NR1I3: variants seen among roughly 807,000 people sequenced by gnomAD.
NR1I3 encodes the protein constitutive activator of retinoid response.
In NR1I3, 30 loss-of-function variants were observed where a neutral mutation model predicts 38.4. The ratio of observed to expected loss-of-function variants is 0.78; its 90% CI spans 0.58 to 1.06. The LOEUF (loss-of-function observed/expected upper bound fraction) is 1.06. Ranked by LOEUF, NR1I3 falls within the 50% of genes least tolerant of loss-of-function variation. The probability of loss-of-function intolerance (pLI) is 0.00; values close to 1 mark genes in which losing one functional copy is unlikely to be tolerated. For missense variants in NR1I3, 388 were observed against 435.7 expected (o/e 0.89, Z 0.97); for synonymous variants, 143 against 165.1 (o/e 0.87, Z 1.03).
chr1:161,237,443 G>A (rs113354568), intron 1 of NR1I3, among the ~76,000 whole-genome samples: 19,307 of 151,536 alleles, frequency 0.13, 1,359 homozygotes, highest in East Asian at 0.22. Flanking sequence ...ACTTAGGCCT[G>A]GTGCAGTGTC....
At position 161,238,087 on chromosome 1, in the gene NR1I3, A is replaced by G. The variant is rs750479350; in HGVS notation, c.-80T>C. ...TCACCTGCAGGCCACAGAATCTGGT[A>G]TGGAATGCCTCTCCCCAAACTCCCA... On this transcript the variant is annotated 5_prime_UTR_variant, in exon 1 of 9. Transcript: ENST00000367983. 7 of 1,613,830 alleles carry G rather than the reference A, an allele frequency of 4.3e-6. No homozygotes were observed. In the South Asian group the frequency reaches 5.5e-5, roughly 13 times the overall value.
At chr1:161,231,967 G>A (rs1178629745) in intron 5 of NR1I3, among the ~76,000 whole-genome samples, 1 of 151,474 alleles carries the variant, frequency 6.6e-6, no homozygotes, top group Admixed American at 6.6e-5. Flanking sequence ...CAGCCGACAA[G>A]GGCACCTTAT....
At chr1:161,229,959 CAG>C in intron 8 of NR1I3, 33 bp from the exon 9 acceptor site, 1 of 1,613,268 alleles carries the variant, frequency 6.2e-7, no homozygotes. Context: ...GCCAGGAAAA[CAG>C]GAGGGAAATA....
Position 161,235,849 on chromosome 1 carries a change from T to A in NR1I3, c.236A>T (p.Asp79Val). 6.2e-7 allele frequency: 1 copy of A among 1,614,144 alleles called. No homozygotes were observed. The highest frequency in any genetic ancestry group is 1.1e-5 in the South Asian group (1 of 91,072). The change falls in exon 3 of 9, where the codon GAC (aspartate) becomes GTC (valine). Residue 79 changes from aspartate (D) to valine (V), a missense_variant and splice_region_variant. By Grantham distance (152) the Asp-to-Val change is radical (BLOSUM62 -3). Coordinates refer to ENST00000367983, the MANE Select transcript of NR1I3 (RefSeq NM_005122.5). ...TGAGATGTAGGGGGCCAACTCACTG[T>A]CTTTCCTCATGCCAGCATCTAAGCA... The part of the protein sequence containing the change: ...QKCLDAGMRK[D>V]MILSAEALAL...
rs757636106 is a variant in NR1I3 at position 161,238,072 on chromosome 1, G to C, written c.-65C>G. 1.1e-5 allele frequency: 17 copies of C among 1,613,822 alleles called. No individual in the cohort carries two copies. The highest frequency in any genetic ancestry group is 1.4e-5 in the Non-Finnish European group (16 of 1,179,854). The stretch of plus-strand genomic sequence containing the variant: ...CTCTTAGGCAGCATGTCACCTGCAG[G>C]CCACAGAATCTGGTATGGAATGCCT... On this transcript the variant is annotated 5_prime_UTR_variant, in exon 1 of 9. Coordinates refer to ENST00000367983, the MANE Select transcript of NR1I3 (RefSeq NM_005122.5).
Position 161,235,993 on chromosome 1 carries a change from A to C in NR1I3, c.108-16T>G, listed in dbSNP as rs748276768. 3 of 1,573,350 alleles carry C rather than the reference A, an allele frequency of 1.9e-6. No individual in the cohort carries two copies. The highest frequency in any genetic ancestry group is 2.6e-6 in the Non-Finnish European group (3 of 1,160,958). ...GACTGTTCTCCTGTGAGACACAGAG[A>C]TGTTGTTAGAGTCTGGGATGCAATG... On this transcript the variant is annotated splice_polypyrimidine_tract_variant and intron_variant, in intron 2 of 8. Coordinates refer to ENST00000367983, the MANE Select transcript of NR1I3 (RefSeq NM_005122.5).
chr1:161,237,976 G>T, intron 1 of NR1I3, 65 bp downstream of exon 1: 2 of 1,491,470 alleles, frequency 1.3e-6, no homozygotes, highest in Non-Finnish European at 9.3e-7. Flanking sequence ...GAGCCACTAT[G>T]CCTAGCCCCC....
chr1:161,234,034 C>G (rs1372506547), intron 3 of NR1I3, among the ~76,000 whole-genome samples: 1 of 151,740 alleles, frequency 6.6e-6, no homozygotes, highest in Non-Finnish European at 1.5e-5. Flanking sequence ...CTCTGTCGCC[C>G]AGGCTGGAGT....
Position 161,238,085 on chromosome 1 carries a change from G to A in NR1I3, c.-78C>T. 6.2e-7 allele frequency: 1 copy of A among 1,613,800 alleles called. No homozygotes were observed. The highest frequency in any genetic ancestry group is 2.2e-5 in the East Asian group (1 of 44,872). ...TGTCACCTGCAGGCCACAGAATCTG[G>A]TATGGAATGCCTCTCCCCAAACTCC... On this transcript the variant is annotated 5_prime_UTR_variant, in exon 1 of 9. Coordinates refer to ENST00000367983, the MANE Select transcript of NR1I3 (RefSeq NM_005122.5).
chr1:161,230,449 C>T (rs775973782), intron 8 of NR1I3: 1 of 451,306 alleles, frequency 2.2e-6, no homozygotes, highest in Non-Finnish European at 3.9e-6. Context: ...GGCCCAATGG[C>T]GAGGAGAGGA....
At chr1:161,237,027 C>G (rs184235521) in intron 1 of NR1I3, among the ~76,000 whole-genome samples, 346 of 150,878 alleles carry the variant, frequency 2.3e-3, no homozygotes, top group African/African-American at 7.9e-3. Context: ...ACTCTGTTGC[C>G]TAGTGTTGCC....
chr1:161,233,867 GTGTGTGTGTGTGTGTGTGTGTA>G (rs1395801584), intron 3 of NR1I3, among the ~76,000 whole-genome samples: 25 of 145,136 alleles, frequency 1.7e-4, no homozygotes, highest in African/African-American at 6.3e-4. Flanking sequence ...GTGTGTGTGT[GTGTGTGTGTGTGTGTGTGTGTA>G]TATGTGTGTG....
chr1:161,230,494 G>C (rs912308255), intron 8 of NR1I3: 8 of 520,220 alleles, frequency 1.5e-5, no homozygotes, highest in Non-Finnish European at 2.4e-5. Flanking sequence ...GCGTTAGTCT[G>C]GAGAAGTTGG....
At chr1:161,231,551 A>G (rs1667277158) in intron 5 of NR1I3, 77 bp from the exon 6 acceptor site, 5 of 1,463,486 alleles carry the variant, frequency 3.4e-6, no homozygotes, top group Non-Finnish European at 4.6e-6. Context: ...CCCTGGCTGG[A>G]GTGCAGTGGC....
chr1:161,230,637 G>T, intron 8 of NR1I3, 176 bp downstream of exon 8: 1 of 793,832 alleles, frequency 1.3e-6, no homozygotes, highest in Non-Finnish European at 2.0e-6. Flanking sequence ...TCCAAATACA[G>T]CAATTTGGAT....
At position 161,236,407 on chromosome 1, in the gene NR1I3, T is replaced by G. The variant is rs1668610973; in HGVS notation, c.107+52A>C. 4 of 1,608,498 alleles carry G rather than the reference T, an allele frequency of 2.5e-6. No individual in the cohort carries two copies. In the East Asian group the frequency reaches 8.9e-5, roughly 36 times the overall value. On this transcript the variant is annotated intron_variant, in intron 2 of 8. Transcript: ENST00000367983. ...CACCAGCGAGGGTGTAAAGGCTGAC[T>G]AATAGGGAGTTTGGTTTGGAGGGCT...
chr1:161,235,274 T>TTTC (rs1668369028), intron 3 of NR1I3: 1 of 126,912 alleles, frequency 7.9e-6, no homozygotes, highest in Non-Finnish European at 1.7e-5. Flanking sequence ...TTTTTTTTTT[T>TTTC]TTTTTTTTGA....
At chr1:161,234,083 C>G (rs747272041) in intron 3 of NR1I3, among the ~76,000 whole-genome samples, 1 of 151,916 alleles carries the variant, frequency 6.6e-6, no homozygotes, top group Non-Finnish European at 1.5e-5. Flanking sequence ...CCTCTGCCCC[C>G]TGGGTTCAAG....
rs1667682876 is a variant in NR1I3 at position 161,232,905 on chromosome 1, G to A, written c.450C>T (p.Thr150=). ...TGACCAGAGGCAGCACAGGGGCCAG[G>A]GTGGGCAAGGGCTGGTGATGGATGA... ...HLFIHHQPLP[T]LAPVLPLVTH... The change falls in exon 5 of 9, where the codon ACC becomes ACT. Residue 150 remains threonine (T), a synonymous_variant. Transcript: ENST00000367983. 2 of 1,614,222 alleles carry A rather than the reference G, an allele frequency of 1.2e-6. No homozygotes were observed. Among genetic ancestry groups the A allele is most frequent in the Non-Finnish European group, 1.7e-6 (2 of 1,180,028 alleles).
Sources: allele counts gnomAD v4.1 joint callset (sites outside exome capture counted in the v4.1 genomes callset), GRCh38; gene constraint gnomAD v4.1.1; transcripts MANE v1.5; gene names NCBI Gene and HGNC (gene_info 2026-07-23, HGNC 2026-07-21).